Variants in CLMP observed in about 807,000 individuals in gnomAD.
CLMP encodes CXADR-like membrane protein.
In CLMP, 27 loss-of-function variants were observed where a neutral mutation model predicts 45.2. The ratio of observed to expected loss-of-function variants is 0.60; its 90% CI spans 0.44 to 0.82. The LOEUF (loss-of-function observed/expected upper bound fraction) is 0.82. Among genes scored for constraint, CLMP ranks in the 40% least tolerant of loss-of-function variants. The pLI is 0.00. For synonymous variants in CLMP, 167 were observed against 171.4 expected (o/e 0.97, Z 0.20); for missense variants, 403 against 448.4 (o/e 0.90, Z 0.91).
chr11:123,174,966 G>T (rs11219044), intron 1 of CLMP, among the ~76,000 whole-genome samples: 20,176 of 152,018 alleles, frequency 0.13, 4,266 homozygotes, highest in African/African-American at 0.45. Context: ...TTTCTTTGGT[G>T]TTTTAGAGAC....
chr11:123,124,649 T>G (rs1005311508), intron 1 of CLMP, among the ~76,000 whole-genome samples: 6 of 152,212 alleles, frequency 3.9e-5, no homozygotes, highest in African/African-American at 1.4e-4. Context: ...TATTGAACAC[T>G]TGCTATATGT....
In CLMP at chr11:123,174,908, A is replaced by G. The variant is rs144498880; in HGVS notation, c.28+20005T>C. 3.8e-3 allele frequency among the ~76,000 whole-genome samples: 583 copies of G among 152,332 alleles called. 4 individuals are homozygous for G. In the South Asian group the frequency reaches 0.057, roughly 15 times the overall value. On this transcript the variant is annotated intron_variant, in intron 1 of 6. Coordinates refer to ENST00000448775, the MANE Select transcript of CLMP (RefSeq NM_024769.5). The stretch of plus-strand genomic sequence containing the variant: ...GTTAATGCCTGTATTTTGGAAGCAG[A>G]GGCAAGGAAAGAGGGGAAAGGGGCT...
At chr11:123,163,559 A>G (rs886434132) in intron 1 of CLMP, among the ~76,000 whole-genome samples, 3 of 152,202 alleles carry the variant, frequency 2.0e-5, no homozygotes, top group African/African-American at 7.2e-5. Flanking sequence ...AGTACCTGGG[A>G]ACTTGTTAGA....
rs1861696346 is a variant in CLMP, at chr11:123,176,122, G to A, written c.28+18791C>T. On this transcript the variant is annotated intron_variant, in intron 1 of 6. Transcript: ENST00000448775. The stretch of plus-strand genomic sequence containing the variant: ...TAGCACTCACTAAGTGTTAGCTATT[G>A]GAAACAGAGAGCTGTCCATGAATGG... 2.0e-5 allele frequency among the ~76,000 whole-genome samples: 3 copies of A among 152,164 alleles called. No homozygotes were observed. In the South Asian group the frequency reaches 6.2e-4, roughly 32 times the overall value.
chr11:123,159,082 C>T (rs192973157), intron 1 of CLMP, among the ~76,000 whole-genome samples: 2 of 151,898 alleles, frequency 1.3e-5, no homozygotes, highest in African/African-American at 2.4e-5. Flanking sequence ...TAAGACATTT[C>T]GAAAATGTGA....
At chr11:123,111,383 A>G (rs1860636378) in intron 1 of CLMP, among the ~76,000 whole-genome samples, 1 of 152,094 alleles carries the variant, frequency 6.6e-6, no homozygotes, top group Admixed American at 6.6e-5. Context: ...GGCCCACCGC[A>G]GCCTCCCAAA....
chr11:123,089,764 G>A (rs1414321648), intron 2 of CLMP, among the ~76,000 whole-genome samples: 6 of 130,566 alleles, frequency 4.6e-5, no homozygotes, highest in African/African-American at 9.0e-5. Context: ...GCGACAGAGC[G>A]AGTCTCCATC....
intron 1 of CLMP, among the ~76,000 whole-genome samples, chr11:123,136,560 A>ATTTTTTT (rs34074982): frequency 1.5e-4 from 13 of 85,858 alleles, no homozygotes; most frequent in African/African-American, 2.7e-4. Flanking sequence ...CTTTTAAGTA[A>ATTTTTTT]TTTTTTTTTT....
In CLMP at chr11:123,072,717, A is replaced by G. The variant is rs1262751842; in HGVS notation, c.*757T>C. The G allele has an allele frequency of 6.6e-6, 1 of 152,186 alleles. No homozygotes were observed. The allele number at this position is 152,186 out of a possible 1,614,324, so 9.4% of individuals were successfully genotyped here. A position where few individuals can be genotyped will look rare whatever the true frequency, so the allele number is the denominator to read the frequency against. ...CACAATTGCTCCATTATATATTTCT[A>G]ATGTTTGTCAACAATCCTCATAACA... On this transcript the variant is annotated 3_prime_UTR_variant, in exon 7 of 7. Coordinates refer to ENST00000448775, the MANE Select transcript of CLMP (RefSeq NM_024769.5).
At position 123,117,268 on chromosome 11, in the gene CLMP, T is replaced by C. The variant is rs559980265; in HGVS notation, c.29-19316A>G. Among the ~76,000 whole-genome samples, 35 of 152,060 alleles carry C rather than the reference T, an allele frequency of 2.3e-4. No homozygotes were observed. In the South Asian group the frequency reaches 6.0e-3, roughly 26 times the overall value. On this transcript the variant is annotated intron_variant, in intron 1 of 6. Transcript: ENST00000448775. Reference sequence around the variant, plus strand: ...ATATAATTTCATTTAATCAGAACAATCCTACAAAGCAAAATTTTGCCTCAT... The same window carrying C: ...ATATAATTTCATTTAATCAGAACAACCCTACAAAGCAAAATTTTGCCTCAT...
intron 1 of CLMP, among the ~76,000 whole-genome samples, chr11:123,114,449 T>TCC (rs1860692343): frequency 1.1e-4 from 5 of 44,290 alleles, no homozygotes; most frequent in African/African-American, 1.7e-4. Context: ...CCTCCCTCCC[T>TCC]CTCTCCCTCC....
chr11:123,159,646 G>A (rs564199651), intron 1 of CLMP, among the ~76,000 whole-genome samples: 27 of 152,314 alleles, frequency 1.8e-4, no homozygotes, highest in Middle Eastern at 3.4e-3. Context: ...CAACTGACAC[G>A]TACAAGGCAG....
chr11:123,136,138 A>G (rs1861067764), intron 1 of CLMP: 1 of 626,654 alleles, frequency 1.6e-6, no homozygotes, highest in Non-Finnish European at 3.1e-6. Context: ...TGACGGCAAG[A>G]AAGTCACCAC....
At chr11:123,186,546 C>T (rs116326036) in intron 1 of CLMP, among the ~76,000 whole-genome samples, 2,174 of 149,454 alleles carry the variant, frequency 0.015, 41 homozygotes, top group African/African-American at 0.047. Context: ...GAGATGGTGT[C>T]TCACTCTGTC....
intron 1 of CLMP, among the ~76,000 whole-genome samples, chr11:123,190,845 A>G (rs1002599936): frequency 2.0e-5 from 3 of 152,236 alleles, no homozygotes; most frequent in Non-Finnish European, 4.4e-5. Context: ...CTGAAAAGGA[A>G]GGAGAGACAT....
rs751141439 is a variant in CLMP, at chr11:123,097,861, C to A, written c.120G>T (p.Gly40=). ...TATCCAGAGTGTCTTTTTCTGGAAG[C>A]CCCAGTTGATGGTGGCAGGGCAAAG... ...KVTLPCHHQL[G]LPEKDTLDIE... Residue 40 remains glycine, a synonymous_variant, in exon 2 of 7, where the codon GGG becomes GGT. Coordinates refer to ENST00000448775, the MANE Select transcript of CLMP (RefSeq NM_024769.5). 1.2e-6 allele frequency: 2 copies of A among 1,610,596 alleles called. No individual in the cohort carries two copies. The highest frequency in any genetic ancestry group is 1.7e-5 in the Admixed American group (1 of 59,528).
chr11:123,119,036 TCTCTCTCTCC>T (rs1860770314), intron 1 of CLMP, among the ~76,000 whole-genome samples: 3 of 57,814 alleles, frequency 5.2e-5, no homozygotes, highest in Non-Finnish European at 3.2e-5. Context: ...TCTCTCTCTC[TCTCTCTCTCC>T]CTCTCCCTCT....
chr11:123,070,665 A>G lies in CLMP; in HGVS notation c.*2809T>C, dbSNP rs1865661283. On this transcript the variant is annotated 3_prime_UTR_variant, in exon 7 of 7. Transcript: ENST00000448775. ...CTTCCGTTGTGTATTTGTTTGGCTC[A>G]GGTACTCTAGAAATGAGAATTCTTA... is the stretch of plus-strand genomic sequence containing the variant. The G allele has an allele frequency of 6.6e-6, 1 of 152,236 alleles. No homozygotes were observed. The highest frequency in any genetic ancestry group is 6.5e-5 in the Admixed American group (1 of 15,290). The allele number at this position is 152,236 out of a possible 1,614,324, so 9.4% of individuals were successfully genotyped here.
chr11:123,111,978 T>C (rs182466487), intron 1 of CLMP, among the ~76,000 whole-genome samples: 6 of 152,326 alleles, frequency 3.9e-5, no homozygotes, highest in East Asian at 3.9e-4. Context: ...TCTTGAACTC[T>C]GGGTCTCAAG....
Sources: allele counts gnomAD v4.1 joint callset (sites outside exome capture counted in the v4.1 genomes callset), GRCh38; gene constraint gnomAD v4.1.1; transcripts MANE v1.5; gene names NCBI Gene and HGNC (gene_info 2026-07-23, HGNC 2026-07-21).